FSTL1: variants seen among roughly 807,000 people sequenced by gnomAD.
FSTL1 encodes follistatin like 1, also known as follistatin-related protein 1.
Under a neutral mutation model 45.9 loss-of-function variants are expected in FSTL1, and 24 were observed. The ratio of observed to expected loss-of-function variants is 0.52; its 90% CI spans 0.38 to 0.74. The LOEUF (loss-of-function observed/expected upper bound fraction) is 0.74. Among genes scored for constraint, FSTL1 ranks in the 30% least tolerant of loss-of-function variants. The pLI is 0.00. For missense variants in FSTL1, 340 were observed against 381.8 expected, an observed-to-expected ratio of 0.89 and a Z score of 0.91; for synonymous variants, 120 against 137.6, an observed-to-expected ratio of 0.87 and a Z score of 0.89.
At chr3:120,443,374 C>T (rs1553705044) in intron 2 of FSTL1, among the ~76,000 whole-genome samples, 4 of 149,618 alleles carry the variant, frequency 2.7e-5, no homozygotes, top group Non-Finnish European at 5.9e-5. Context: ...TATGGTAAGG[C>T]TTTTTAGTCC....
intron 6 of FSTL1, among the ~76,000 whole-genome samples, chr3:120,409,025 G>T (rs1382147611): frequency 1.3e-5 from 2 of 152,180 alleles, no homozygotes; most frequent in African/African-American, 2.4e-5. Flanking sequence ...ATTGGGAACA[G>T]CAATATCTAA....
chr3:120,430,066 G>A (rs1937450330), intron 2 of FSTL1, among the ~76,000 whole-genome samples: 1 of 152,200 alleles, frequency 6.6e-6, no homozygotes, highest in South Asian at 2.1e-4. Flanking sequence ...ATCAGGGAAA[G>A]ATCAGGCTCT....
At chr3:120,407,668 G>A (rs1418901194) in intron 6 of FSTL1, among the ~76,000 whole-genome samples, 1 of 152,224 alleles carries the variant, frequency 6.6e-6, no homozygotes, top group Non-Finnish European at 1.5e-5. Context: ...TGACCTAGGA[G>A]GAGGCAGTCT....
chr3:120,446,487 G>A (rs959543104), intron 2 of FSTL1, among the ~76,000 whole-genome samples: 14 of 152,326 alleles, frequency 9.2e-5, no homozygotes, highest in African/African-American at 3.4e-4. Flanking sequence ...TTCTGTTCTG[G>A]CTAGTCTGCA....
chr3:120,425,606 A>T (rs977218817), intron 2 of FSTL1, among the ~76,000 whole-genome samples: 1 of 152,212 alleles, frequency 6.6e-6, no homozygotes, highest in Non-Finnish European at 1.5e-5. Flanking sequence ...AAGTCCCTTA[A>T]GCTGTAAGAA....
intron 9 of FSTL1, 188 bp from the exon 10 acceptor site, chr3:120,400,147 A>G: frequency 1.7e-6 from 1 of 597,734 alleles, no homozygotes; most frequent in Non-Finnish European, 3.0e-6. Flanking sequence ...AAGGTAACAC[A>G]TTGTAACAAA....
rs113412019 is a variant in FSTL1 at position 120,450,408 on chromosome 3, C to A, written c.63+276G>T. On this transcript the variant is annotated intron_variant, in intron 2 of 10. Transcript: ENST00000295633. ...CTGCTGCTCCAGTCGCCGCCTCGTC[C>A]CCGTCGGCCCAGCCCGTCCCCTCTC... Among the ~76,000 whole-genome samples, 581 of 152,284 alleles carry A rather than the reference C, an allele frequency of 3.8e-3. 8 individuals are homozygous for A. Among genetic ancestry groups the A allele is most frequent in the African/African-American group, 0.013 (533 of 41,564 alleles).
intron 2 of FSTL1, among the ~76,000 whole-genome samples, chr3:120,436,950 C>A (rs1356153351): frequency 6.6e-6 from 1 of 152,086 alleles, no homozygotes; most frequent in Non-Finnish European, 1.5e-5. Context: ...CCATGCTGGG[C>A]CCTCCTGGTA....
intron 10 of FSTL1, among the ~76,000 whole-genome samples, chr3:120,399,412 CT>C (rs1268974570): frequency 6.6e-6 from 1 of 152,232 alleles, no homozygotes; most frequent in Non-Finnish European, 1.5e-5. Flanking sequence ...TAAATCCTTT[CT>C]GCTGTGGCCC....
intron 2 of FSTL1, chr3:120,421,459 A>T (rs1464901859): frequency 6.6e-6 from 1 of 152,416 alleles, no homozygotes; most frequent in Non-Finnish European, 1.5e-5. Flanking sequence ...GAATTCACAG[A>T]ACTGGGGAGA....
chr3:120,428,877 AG>A (rs1937430118), intron 2 of FSTL1, among the ~76,000 whole-genome samples: 2 of 152,398 alleles, frequency 1.3e-5, no homozygotes, highest in South Asian at 4.1e-4. Flanking sequence ...GGATGCAGAC[AG>A]GGTTAAAACC....
At chr3:120,398,317 C>T (rs1219373964) in intron 10 of FSTL1, among the ~76,000 whole-genome samples, 3 of 152,106 alleles carry the variant, frequency 2.0e-5, no homozygotes, top group East Asian at 1.9e-4. Context: ...CCATCCATCG[C>T]CCCTTTGTGT....
chr3:120,428,010 C>G (rs114299481), intron 2 of FSTL1, among the ~76,000 whole-genome samples: 1 of 152,134 alleles, frequency 6.6e-6, no homozygotes, highest in Admixed American at 6.5e-5. Flanking sequence ...TTATCTGAGG[C>G]CAGTGCTTTG....
chr3:120,399,672 A>G (rs1462020776), intron 10 of FSTL1, among the ~76,000 whole-genome samples: 2 of 152,126 alleles, frequency 1.3e-5, no homozygotes, highest in Non-Finnish European at 2.9e-5. Context: ...TGTAACCTAT[A>G]TGTGTTGAGA....
chr3:120,412,856 A>G (rs1252697688), intron 3 of FSTL1, among the ~76,000 whole-genome samples: 3 of 151,608 alleles, frequency 2.0e-5, no homozygotes, highest in Non-Finnish European at 4.4e-5. Flanking sequence ...ACACACACAC[A>G]CACACACACA....
chr3:120,405,012 G>T, intron 6 of FSTL1, 41 bp from the exon 7 acceptor site: 1 of 1,012,978 alleles, frequency 9.9e-7, no homozygotes, highest in Non-Finnish European at 1.6e-6. Context: ...ATGTTTTGCA[G>T]AACCCCTGTT....
intron 2 of FSTL1, among the ~76,000 whole-genome samples, chr3:120,425,301 C>T (rs535001218): frequency 6.6e-6 from 1 of 151,808 alleles, no homozygotes; most frequent in East Asian, 1.9e-4. Flanking sequence ...TAGAGAGCTC[C>T]CAGAAATGGA....
intron 9 of FSTL1, among the ~76,000 whole-genome samples, chr3:120,401,459 G>C (rs547918638): frequency 1.1e-4 from 17 of 152,112 alleles, no homozygotes; most frequent in Admixed American, 2.6e-4. Context: ...TAGGATCCTT[G>C]TCTAGAAGAG....
rs555049430 is a variant in FSTL1 at position 120,416,336 on chromosome 3, T to C, written c.64-309A>G. 3.3e-5 allele frequency among the ~76,000 whole-genome samples: 5 copies of C among 152,304 alleles called. No homozygotes were observed. In the East Asian group the frequency reaches 7.7e-4, roughly 24 times the overall value. On this transcript the variant is annotated intron_variant, in intron 2 of 10. Transcript: ENST00000295633. ...AAATGCTTGTTGAGCACCAATTTTA[T>C]GCCAACACTACGCTGAGATGGAGAT...
Sources: allele counts gnomAD v4.1 joint callset (sites outside exome capture counted in the v4.1 genomes callset), GRCh38; gene constraint gnomAD v4.1.1; transcripts MANE v1.5; gene names NCBI Gene and HGNC (gene_info 2026-07-23, HGNC 2026-07-21).